MYH11: variants seen among roughly 807,000 people sequenced by gnomAD.
MYH11 encodes myosin heavy chain 11.
MYH11 carries 80 observed loss-of-function variants against 246.6 expected under a neutral mutation model. The ratio of observed to expected loss-of-function variants is 0.32; its 90% CI spans 0.27 to 0.39. MYH11 has a LOEUF of 0.39. Ranked by LOEUF, MYH11 falls within the 10% of genes least tolerant of loss-of-function variation. The probability of loss-of-function intolerance (pLI) is 1.00; values close to 1 mark genes in which losing one functional copy is unlikely to be tolerated. For synonymous variants in MYH11, 1,071 were observed against 1,015.5 expected (o/e 1.05, Z -1.04); for missense variants, 2,158 against 2,546.8 (o/e 0.85, Z 3.29).
At chr16:15,710,582 G>C (rs1339524884) in intron 40 of MYH11, among the ~76,000 whole-genome samples, 1 of 152,140 alleles carries the variant, frequency 6.6e-6, no homozygotes, top group Admixed American at 6.6e-5. Flanking sequence ...AGACAGCAGT[G>C]GGGTAGGGAG....
At chr16:15,767,903 C>T (rs1168188691) in intron 9 of MYH11, among the ~76,000 whole-genome samples, 2 of 151,786 alleles carry the variant, frequency 1.3e-5, no homozygotes, top group African/African-American at 2.4e-5. Context: ...GAGGAACAAC[C>T]CCTGCCAACA....
In MYH11 at chr16:15,703,194, G is replaced by A. The variant is rs1472037924; in HGVS notation, c.*797C>T. Reference sequence around the variant, plus strand: ...TTTAAGCACAGTCAGGGTGTAAACAGTGCAGCATTCCTGCTCCCCTCCGTG... The same window carrying A: ...TTTAAGCACAGTCAGGGTGTAAACAATGCAGCATTCCTGCTCCCCTCCGTG... On this transcript the variant is annotated 3_prime_UTR_variant, in exon 41 of 41. Transcript: ENST00000300036. The A allele has an allele frequency of 4.9e-6, 1 of 204,460 alleles. No individual in the cohort carries two copies. The highest frequency in any genetic ancestry group is 2.3e-5 in the African/African-American group (1 of 43,718). The allele number at this position is 204,460 out of a possible 1,614,324, so 12.7% of individuals were successfully genotyped here.
intron 1 of MYH11, among the ~76,000 whole-genome samples, chr16:15,845,722 G>C (rs564538950): frequency 6.6e-6 from 1 of 151,856 alleles, no homozygotes; most frequent in Non-Finnish European, 1.5e-5. Context: ...GAGAGAGAGA[G>C]AAAAAGAAGG....
chr16:15,703,544 C>G lies in MYH11; in HGVS notation c.*447G>C. On this transcript the variant is annotated 3_prime_UTR_variant, in exon 41 of 41. Transcript: ENST00000300036. ...CCTGTTGGGTTTTTCTCATCTCTTA[C>G]ATCATACAAACTTCAATTTTTACCT... 3.1e-6 allele frequency: 1 copy of G among 327,604 alleles called. No homozygotes were observed. The allele number at this position is 327,604 out of a possible 1,614,324, so 20.3% of individuals were successfully genotyped here. A position where few individuals can be genotyped will look rare whatever the true frequency, so the allele number is the denominator to read the frequency against.
intron 3 of MYH11, among the ~76,000 whole-genome samples, chr16:15,804,254 G>A (rs1003056346): frequency 6.6e-6 from 1 of 152,148 alleles, no homozygotes; most frequent in Admixed American, 6.5e-5. Flanking sequence ...ATTCAAGCCA[G>A]GTGCGGTGGC....
intron 10 of MYH11, 55 bp downstream of exon 10, chr16:15,763,741 T>TGGGGCCCCCCCCC: frequency 4.6e-6 from 3 of 646,844 alleles, no homozygotes; most frequent in Non-Finnish European, 8.7e-6. Context: ...AAATGTCACC[T>TGGGGCCCCCCCCC]CCCCCACCCC....
intron 1 of MYH11, among the ~76,000 whole-genome samples, chr16:15,850,372 C>T (rs907681960): frequency 2.6e-5 from 4 of 151,902 alleles, no homozygotes; most frequent in South Asian, 2.1e-4. Flanking sequence ...GCGACAAGAG[C>T]AAAACTCTGT....
intron 3 of MYH11, among the ~76,000 whole-genome samples, chr16:15,804,672 C>G (rs74923788): frequency 0.082 from 12,498 of 152,208 alleles, 556 homozygotes; most frequent in Middle Eastern, 0.11. Flanking sequence ...AGCAGCCACT[C>G]CCCCATAAGC....
At chr16:15,773,929 T>C (rs1307399281) in intron 8 of MYH11, among the ~76,000 whole-genome samples, 1 of 152,178 alleles carries the variant, frequency 6.6e-6, no homozygotes, top group Admixed American at 6.5e-5. Flanking sequence ...AACTTTATAA[T>C]TGCCTTTCTT....
chr16:15,838,322 C>G, intron 1 of MYH11, 53 bp from the exon 2 acceptor site: 1 of 1,441,724 alleles, frequency 6.9e-7, no homozygotes, highest in South Asian at 1.2e-5. Flanking sequence ...GCCCGGAAGA[C>G]AGACCAACCA....
At chr16:15,706,517 G>C (rs1468301871) in intron 40 of MYH11, among the ~76,000 whole-genome samples, 1 of 152,106 alleles carries the variant, frequency 6.6e-6, no homozygotes, top group Admixed American at 6.6e-5. Context: ...AGGCCATCCT[G>C]GCCAATATGG....
chr16:15,749,053 A>C (rs1385485040), intron 16 of MYH11: 1 of 151,610 alleles, frequency 6.6e-6, no homozygotes, highest in East Asian at 1.9e-4. Context: ...GCCCCTGCCT[A>C]CCCATTCAGC....
chr16:15,711,962 G>A (rs931725386), intron 40 of MYH11, among the ~76,000 whole-genome samples: 4 of 152,178 alleles, frequency 2.6e-5, no homozygotes, highest in Non-Finnish European at 5.9e-5. Flanking sequence ...CAAAGTGCTG[G>A]GATTAAGGGG....
Position 15,756,820 on chromosome 16 carries a change from C to CA in MYH11, c.1576-307dup, listed in dbSNP as rs1166473286. ...TTTTTTTTTTTTTTTTTTTTTGAGA[C>CA]AGAGTTTTGCCTTGTCGCCCAGGCA... is the stretch of plus-strand genomic sequence containing the variant. On this transcript the variant is annotated intron_variant, in intron 13 of 40. Transcript: ENST00000300036. Among the ~76,000 whole-genome samples, 149 of 104,922 alleles carry CA rather than the reference C, an allele frequency of 1.4e-3. 1 individual carries two copies. In the East Asian group the frequency reaches 0.029, roughly 20 times the overall value. The allele number at this position is 104,922 out of a possible 152,430, so 68.8% of individuals were successfully genotyped here.
At chr16:15,721,118 C>T (rs1475624204) in intron 32 of MYH11, 67 bp from the exon 33 acceptor site, 8 of 1,554,014 alleles carry the variant, frequency 5.1e-6, no homozygotes, top group African/African-American at 4.1e-5. Flanking sequence ...AGAAACCCAC[C>T]GTGAGCGGCA....
At chr16:15,760,780 G>A (rs947175083) in intron 10 of MYH11, 122 bp from the exon 11 acceptor site, 4 of 791,446 alleles carry the variant, frequency 5.1e-6, no homozygotes, top group East Asian at 4.9e-5. Flanking sequence ...AATGGGACCC[G>A]CTGACCATGA....
intron 4 of MYH11, among the ~76,000 whole-genome samples, chr16:15,793,217 C>T (rs1406249537): frequency 6.6e-6 from 1 of 152,222 alleles, no homozygotes; most frequent in Admixed American, 6.5e-5. Context: ...GGATTACATG[C>T]TAGACAAAAT....
rs759244620 is a variant in MYH11, at chr16:15,703,943, T to G, written c.*48A>C. ...TTGTTGGGTTTTTTTTGTTTGTTTG[T>G]TTTGGTTTTTGGTTTTCTTGCCGTG... On this transcript the variant is annotated 3_prime_UTR_variant, in exon 41 of 41. Coordinates refer to ENST00000300036, the MANE Select transcript of MYH11 (RefSeq NM_002474.3). 5 of 1,612,984 alleles carry G rather than the reference T, an allele frequency of 3.1e-6. No homozygotes were observed. In the African/African-American group the frequency reaches 6.7e-5, roughly 22 times the overall value.
At chr16:15,727,590 C>T (rs1486692902) in intron 27 of MYH11, among the ~76,000 whole-genome samples, 2 of 152,172 alleles carry the variant, frequency 1.3e-5, no homozygotes, top group Admixed American at 6.6e-5. Context: ...TCCCCTTTGA[C>T]CCTTTCACTA....
Sources: gnomAD v4.1 joint callset for allele counts (sites outside exome capture counted in the v4.1 genomes callset) on GRCh38, gnomAD v4.1.1 for gene constraint, MANE v1.5 for transcripts, NCBI Gene and HGNC (gene_info 2026-07-23, HGNC 2026-07-21) for gene names.